Variants in BTBD2 observed in about 807,000 individuals in gnomAD.
BTBD2 encodes the protein BTB/POZ domain-containing protein 2.
A neutral mutation model predicts 44.0 loss-of-function variants in BTBD2; 15 were observed. That is an observed-to-expected ratio of 0.34 (90% confidence interval 0.23 to 0.53). The LOEUF (loss-of-function observed/expected upper bound fraction) is 0.53, where lower values mean the gene tolerates loss of function less well. BTBD2 is among the 20% of genes least tolerant of loss of function. The pLI, the probability that BTBD2 is intolerant of heterozygous loss-of-function variation, is 0.95. For missense variants in BTBD2, 657 were observed against 746.4 expected (o/e 0.88, Z 1.39); for synonymous variants, 443 against 335.9 (o/e 1.32, Z -3.49).
At chr19:2,006,981 C>T (rs1014877421) in intron 1 of BTBD2, among the ~76,000 whole-genome samples, 3 of 152,184 alleles carry the variant, frequency 2.0e-5, no homozygotes, top group South Asian at 2.1e-4. Flanking sequence ...CCTCAGCCTC[C>T]CAAGCAGCTG....
At chr19:2,006,506 CAA>C (rs549277311) in intron 1 of BTBD2, among the ~76,000 whole-genome samples, 20 of 111,340 alleles carry the variant, frequency 1.8e-4, no homozygotes, top group Non-Finnish European at 1.9e-4. Flanking sequence ...GACTCCGTCT[CAA>C]AAAAAAAAAA....
chr19:1,992,979 C>T (rs1268564249), intron 3 of BTBD2, 41 bp downstream of exon 3: 1 of 1,428,238 alleles, frequency 7.0e-7, no homozygotes, highest in Non-Finnish European at 9.2e-7. Flanking sequence ...CGCCTCCAGC[C>T]AGGCCTGGCC....
intron 5 of BTBD2, chr19:1,989,495 A>G (rs2016141765): frequency 5.6e-6 from 1 of 177,468 alleles, no homozygotes; most frequent in African/African-American, 2.4e-5. Flanking sequence ...CCTTCTGGAA[A>G]GTTCCAGGCC....
At chr19:2,005,131 T>A (rs1462340389) in intron 1 of BTBD2, among the ~76,000 whole-genome samples, 1 of 152,088 alleles carries the variant, frequency 6.6e-6, no homozygotes, top group African/African-American at 2.4e-5. Flanking sequence ...GGAATTCTTT[T>A]GACTGCCAAA....
chr19:1,986,343 A>C lies in BTBD2; in HGVS notation c.*145T>G, dbSNP rs2016080561. On this transcript the variant is annotated 3_prime_UTR_variant, in exon 9 of 9. Coordinates refer to ENST00000255608, the MANE Select transcript of BTBD2 (RefSeq NM_017797.4). Reference sequence around the variant, plus strand: ...GTGAACACAGGGCAACCCCGTCCTGATGCTGAGAAAGGTGGCATGGAGTGG... The same window carrying C: ...GTGAACACAGGGCAACCCCGTCCTGCTGCTGAGAAAGGTGGCATGGAGTGG... 1 of 1,050,884 alleles carries C rather than the reference A, an allele frequency of 9.5e-7. No individual in the cohort carries two copies. The highest frequency in any genetic ancestry group is 1.4e-6 in the Non-Finnish European group (1 of 712,736). The allele number at this position is 1,050,884 out of a possible 1,614,324, so 65.1% of individuals were successfully genotyped here.
At chr19:1,996,701 T>C (rs1174869479) in intron 2 of BTBD2, among the ~76,000 whole-genome samples, 1 of 149,816 alleles carries the variant, frequency 6.7e-6, no homozygotes, top group African/African-American at 2.5e-5. Flanking sequence ...CTGGCCAACA[T>C]AGAGAAACGC....
intron 2 of BTBD2, among the ~76,000 whole-genome samples, chr19:1,993,955 C>T (rs967140561): frequency 7.3e-6 from 1 of 137,704 alleles, no homozygotes; most frequent in African/African-American, 2.8e-5. Context: ...TGAGATCTCG[C>T]CACTGCACTC....
At chr19:2,010,308 G>A (rs2016447944) in intron 1 of BTBD2, among the ~76,000 whole-genome samples, 1 of 152,168 alleles carries the variant, frequency 6.6e-6, no homozygotes, top group Non-Finnish European at 1.5e-5. Flanking sequence ...CACAATCACT[G>A]CGTGCCTACT....
At position 2,009,350 on chromosome 19, in the gene BTBD2, C is replaced by T. The variant is rs1024107720; in HGVS notation, c.407+5947G>A. On this transcript the variant is annotated intron_variant, in intron 1 of 8. Coordinates refer to ENST00000255608, the MANE Select transcript of BTBD2 (RefSeq NM_017797.4). ...AGTAGCTGGGATTACAGGTGCCCAC[C>T]GCCACACCAGGCTAATTTTTTGTAT... Among the ~76,000 whole-genome samples the T allele has an allele frequency of 4.6e-5, 7 of 151,978 alleles. No individual in the cohort carries two copies. The East Asian group carries it at 1.2e-3, about 25-fold the overall frequency.
At position 1,986,447 on chromosome 19, in the gene BTBD2, G is replaced by C; in HGVS notation, c.*41C>G. The C allele has an allele frequency of 6.2e-7, 1 of 1,605,874 alleles. No homozygotes were observed. The highest frequency in any genetic ancestry group is 8.5e-7 in the Non-Finnish European group (1 of 1,174,012). Reference sequence around the variant, plus strand: ...CAGCAGATGATGGCCTGGGGCTGCGGCTATCCCCACGGAGGGAGGGCGGTG... The same window carrying C: ...CAGCAGATGATGGCCTGGGGCTGCGCCTATCCCCACGGAGGGAGGGCGGTG... On this transcript the variant is annotated 3_prime_UTR_variant, in exon 9 of 9. Transcript: ENST00000255608.
chr19:2,001,384 C>T (rs1359740928), intron 1 of BTBD2, among the ~76,000 whole-genome samples: 1 of 152,080 alleles, frequency 6.6e-6, no homozygotes, highest in African/African-American at 2.4e-5. Context: ...CCCAGATACT[C>T]AGGAGGCTGA....
At chr19:2,008,589 C>CT (rs34228593) in intron 1 of BTBD2, among the ~76,000 whole-genome samples, 54,376 of 126,414 alleles carry the variant, frequency 0.43, 12,153 homozygotes, top group East Asian at 0.67. Context: ...CTGTGCCCAG[C>CT]TTTTTTTTTT....
At chr19:2,013,446 G>A (rs1166282565) in intron 1 of BTBD2, 3 of 930,260 alleles carry the variant, frequency 3.2e-6, no homozygotes, top group Admixed American at 6.2e-5. Flanking sequence ...GGGTTGGAAG[G>A]GCCCGGAGAT....
At chr19:2,009,521 G>A (rs1001390503) in intron 1 of BTBD2, among the ~76,000 whole-genome samples, 8 of 149,658 alleles carry the variant, frequency 5.3e-5, no homozygotes, top group South Asian at 2.2e-4. Context: ...TCTAGACCTC[G>A]CTACAATGCT....
chr19:1,993,839 A>G (rs1038187668), intron 2 of BTBD2, among the ~76,000 whole-genome samples: 5 of 151,174 alleles, frequency 3.3e-5, no homozygotes, highest in African/African-American at 1.2e-4. Context: ...TCTACTAAAA[A>G]TACAAAAATT....
intron 1 of BTBD2, among the ~76,000 whole-genome samples, chr19:2,011,204 C>G (rs1441211831): frequency 6.6e-6 from 1 of 152,060 alleles, no homozygotes; most frequent in Non-Finnish European, 1.5e-5. Context: ...CCCACCACAG[C>G]CCCCCACGCC....
At chr19:1,998,266 G>A (rs1272015509) in intron 1 of BTBD2, among the ~76,000 whole-genome samples, 4 of 152,194 alleles carry the variant, frequency 2.6e-5, no homozygotes, top group African/African-American at 9.7e-5. Flanking sequence ...CTCACTGAGG[G>A]AGACAGACGA....
Position 1,986,414 on chromosome 19 carries a change from G to T in BTBD2, c.*74C>A. 2 of 1,575,784 alleles carry T rather than the reference G, an allele frequency of 1.3e-6. No individual in the cohort carries two copies. The highest frequency in any genetic ancestry group is 1.1e-5 in the South Asian group (1 of 87,542). On this transcript the variant is annotated 3_prime_UTR_variant, in exon 9 of 9. Coordinates refer to ENST00000255608, the MANE Select transcript of BTBD2 (RefSeq NM_017797.4). ...TGGGCCTGGCACCGCGTGGTGGGGG[G>T]GCCCCAGCAGCAGATGATGGCCTGG... is the stretch of plus-strand genomic sequence containing the variant.
At position 1,986,879 on chromosome 19, in the gene BTBD2, G is replaced by A. The variant is rs1346002782; in HGVS notation, c.1367C>T (p.Pro456Leu). Residue 456 changes from proline (P) to leucine (L), a missense_variant, in exon 8 of 9, where the codon CCG becomes CTG. Pro to Leu is a moderately conservative substitution (Grantham distance 98). Coordinates refer to ENST00000255608, the MANE Select transcript of BTBD2 (RefSeq NM_017797.4). Reference protein sequence around the residue: ...ASTFRVMFKEPVEVLPNVNYT... With the variant: ...ASTFRVMFKELVEVLPNVNYT... ...GTTGACGTTGGGCAGCACCTCCACC[G>A]GCTCCTTGAACATGACGCGGAAGGT... is the stretch of plus-strand genomic sequence containing the variant. 6.8e-6 allele frequency: 11 copies of A among 1,612,906 alleles called. No homozygotes were observed. Among genetic ancestry groups the A allele is most frequent in the East Asian group, 2.2e-5 (1 of 44,870 alleles).
Sources: gnomAD v4.1 joint callset for allele counts (sites outside exome capture counted in the v4.1 genomes callset) on GRCh38, gnomAD v4.1.1 for gene constraint, MANE v1.5 for transcripts, NCBI Gene and HGNC (gene_info 2026-07-23, HGNC 2026-07-21) for gene names.